ACER1: variants seen among roughly 807,000 people sequenced by gnomAD.
ACER1 encodes the protein CTB-180A7.3.
Under a neutral mutation model 24.9 loss-of-function variants are expected in ACER1, and 28 were observed. The ratio of observed to expected loss-of-function variants is 1.13; its 90% CI spans 0.83 to 1.54. ACER1 has a LOEUF of 1.54. Among genes scored for constraint, ACER1 ranks in the 40% most tolerant of loss-of-function variants. ACER1 has a pLI of 0.00. For missense variants in ACER1, 352 were observed against 349.3 expected (o/e 1.01, Z -0.06); for synonymous variants, 132 against 131.4 (o/e 1.00, Z -0.03).
At chr19:6,352,880 T>C in the ACER1 span, among the ~76,000 whole-genome samples, 1 of 152,206 alleles carries the variant, frequency 6.6e-6, no homozygotes, top group African/African-American at 2.4e-5. Context: ...TTGCATTCAT[T>C]CCAGAGAAGG....
In ACER1 at chr19:6,331,169, G is replaced by A. The variant is rs1350689485; in HGVS notation, c.93+2290C>T. 2.0e-5 allele frequency among the ~76,000 whole-genome samples: 2 copies of A among 100,562 alleles called. 1 individual carries two copies. The highest frequency in any genetic ancestry group is 1.4e-4 in the African/African-American group (2 of 14,260). The allele number at this position is 100,562 out of a possible 152,430, so 66.0% of individuals were successfully genotyped here. A position where few individuals can be genotyped will look rare whatever the true frequency, so the allele number is the denominator to read the frequency against. On this transcript the variant is annotated intron_variant, in intron 1 of 5. Coordinates refer to ENST00000301452, the MANE Select transcript of ACER1 (RefSeq NM_133492.3). ...CAGCAAGCACTTTTTTTTTTTTTTT[G>A]AGATGAGGTCTCGCTCTGTCACCAG...
the ACER1 span, among the ~76,000 whole-genome samples, chr19:6,355,504 T>C: frequency 0.048 from 7,106 of 147,832 alleles, 250 homozygotes; most frequent in African/African-American, 0.1. Flanking sequence ...GGAGCCCCTC[T>C]GCCCAGCAGC....
the ACER1 span, among the ~76,000 whole-genome samples, chr19:6,342,783 T>A: frequency 6.6e-6 from 1 of 151,714 alleles, no homozygotes; most frequent in Non-Finnish European, 1.5e-5. Flanking sequence ...AAGTTGTGGG[T>A]TTGTTTGTTT....
rs774677805 is a variant in ACER1, at chr19:6,309,821, G to A, written c.364C>T (p.Arg122Cys). The change falls in exon 4 of 6, where the codon CGC (arginine) becomes TGC (cysteine). Residue 122 changes from arginine (R) to cysteine (C), a missense_variant. Transcript: ENST00000301452. ...ACCACAGTGGTGATGAAGACCAGGCGGATGAACTGGGACCTGGGGAGGAAG... is the reference window on the plus strand; with the variant it reads ...ACCACAGTGGTGATGAAGACCAGGCAGATGAACTGGGACCTGGGGAGGAAG... ...FLGGNRSQFI[R>C]LVFITTVVST... is the part of the protein sequence containing the mutation. 2.2e-5 allele frequency: 35 copies of A among 1,614,046 alleles called. No individual in the cohort carries two copies. Among genetic ancestry groups the A allele is most frequent in the Middle Eastern group, 1.7e-4 (1 of 6,060 alleles).
intron 1 of ACER1, among the ~76,000 whole-genome samples, chr19:6,325,185 CCAGGGCTCT>C (rs1293935631): frequency 6.6e-6 from 1 of 152,184 alleles, no homozygotes; most frequent in Non-Finnish European, 1.5e-5. Context: ...CCATGGCTCC[CCAGGGCTCT>C]CAGGACAGAG....
chr19:6,357,280 C>T, the ACER1 span, among the ~76,000 whole-genome samples: 1 of 151,848 alleles, frequency 6.6e-6, no homozygotes, highest in African/African-American at 2.4e-5. Context: ...CTCCTGACCT[C>T]AGGTGAGCCG....
At chr19:6,310,174 A>G (rs894556180) in intron 3 of ACER1, among the ~76,000 whole-genome samples, 20 of 151,034 alleles carry the variant, frequency 1.3e-4, no homozygotes, top group Non-Finnish European at 2.5e-4. Flanking sequence ...TGCAAGCTCC[A>G]CCTCCCAGGT....
intron 1 of ACER1, among the ~76,000 whole-genome samples, chr19:6,318,504 A>C (rs8113264): frequency 6.7e-6 from 1 of 149,988 alleles, no homozygotes; most frequent in Non-Finnish European, 1.5e-5. Flanking sequence ...TAGGCCAGGC[A>C]CAGTGGCTCA....
At chr19:6,316,689 G>C (rs1238806057) in intron 1 of ACER1, among the ~76,000 whole-genome samples, 1 of 151,610 alleles carries the variant, frequency 6.6e-6, no homozygotes, top group Non-Finnish European at 1.5e-5. Context: ...GCATGGTGGT[G>C]CATGCCTATA....
upstream of ACER1, among the ~76,000 whole-genome samples, chr19:6,337,980 G>A (rs10411553): frequency 0.05 from 7,532 of 151,212 alleles, 287 homozygotes; most frequent in African/African-American, 0.11. Context: ...CCCAGCCCCA[G>A]AATTTTCTTT....
At chr19:6,347,573 C>T in the ACER1 span, among the ~76,000 whole-genome samples, 11 of 151,406 alleles carry the variant, frequency 7.3e-5, no homozygotes, top group African/African-American at 2.4e-4. Flanking sequence ...TGGTGGTTCA[C>T]GCCTGTTATC....
At chr19:6,338,524 G>C (rs931750290), upstream of ACER1, among the ~76,000 whole-genome samples, 3 of 152,140 alleles carry the variant, frequency 2.0e-5, no homozygotes, top group African/African-American at 2.4e-5. Context: ...GGAGAAACTG[G>C]ATGAAGATTA....
At chr19:6,306,979 G>T in intron 5 of ACER1, 97 bp from the exon 6 acceptor site, 1 of 1,508,182 alleles carries the variant, frequency 6.6e-7, no homozygotes, top group South Asian at 1.3e-5. Context: ...CATCCATCCA[G>T]GGGAGCCTTC....
the ACER1 span, among the ~76,000 whole-genome samples, chr19:6,354,960 T>C: frequency 1.1e-4 from 17 of 152,264 alleles, no homozygotes; most frequent in East Asian, 2.1e-3. Context: ...GTGCCTGTGA[T>C]TGCAGGCGCG....
chr19:6,327,244 G>A (rs1401472244), intron 1 of ACER1, among the ~76,000 whole-genome samples: 1 of 152,146 alleles, frequency 6.6e-6, no homozygotes, highest in Admixed American at 6.6e-5. Flanking sequence ...CAACCTGGAT[G>A]ACCTGGTGAA....
At chr19:6,324,626 G>A (rs142622701) in intron 1 of ACER1, among the ~76,000 whole-genome samples, 134 of 151,512 alleles carry the variant, frequency 8.8e-4, no homozygotes, top group African/African-American at 3.0e-3. Context: ...TTAACCGGGC[G>A]TGGTGGCACG....
chr19:6,317,758 GT>G (rs773322221), intron 1 of ACER1, among the ~76,000 whole-genome samples: 50 of 151,562 alleles, frequency 3.3e-4, no homozygotes, highest in Middle Eastern at 3.4e-3. Context: ...TTGTTTTTGT[GT>G]TTTTTTTCTT....
At chr19:6,312,059 G>C (rs572978830) in intron 3 of ACER1, 90 bp downstream of exon 3, 6 of 1,490,240 alleles carry the variant, frequency 4.0e-6, no homozygotes, top group Non-Finnish European at 5.4e-6. Context: ...GAGGGTCAAG[G>C]GTGGGGACCC....
chr19:6,343,853 A>G, the ACER1 span: 2 of 152,236 alleles, frequency 1.3e-5, no homozygotes, highest in Non-Finnish European at 2.9e-5. Context: ...AAAGGTGCAA[A>G]TGAACATGTC....
Sources: gnomAD v4.1 joint callset for allele counts (sites outside exome capture counted in the v4.1 genomes callset) on GRCh38, gnomAD v4.1.1 for gene constraint, MANE v1.5 for transcripts, NCBI Gene and HGNC (gene_info 2026-07-23, HGNC 2026-07-21) for gene names.